The following HFM1 variants were observed in gnomAD, a reference collection of about 807,000 sequenced individuals.
The protein encoded by HFM1 is probable ATP-dependent DNA helicase HFM1.
HFM1 carries 169 observed loss-of-function variants against 192.1 expected under a neutral mutation model. The observed-to-expected ratio is 0.88, with a 90% CI of 0.78 to 1.00. The LOEUF (loss-of-function observed/expected upper bound fraction) is 1.00, where lower values mean the gene tolerates loss of function less well. HFM1 is among the 50% of genes least tolerant of loss of function. HFM1 has a pLI of 0.00. For synonymous variants in HFM1, 525 were observed against 537.8 expected (o/e 0.98, Z 0.33); for missense variants, 1,661 against 1,668.0 (o/e 1.00, Z 0.07).
At chr1:91,402,608 A>G (rs1356549272) in intron 1 of HFM1, among the ~76,000 whole-genome samples, 1 of 152,172 alleles carries the variant, frequency 6.6e-6, no homozygotes, top group Non-Finnish European at 1.5e-5. Context: ...TTAAGTAAAC[A>G]ATTTCAGAAC....
intron 29 of HFM1, 53 bp downstream of exon 29, chr1:91,313,904 T>A (rs1252111781): frequency 6.1e-6 from 6 of 977,708 alleles, no homozygotes; most frequent in Non-Finnish European, 9.4e-6. Flanking sequence ...ATGTAATTTT[T>A]AAATGCAATT....
chr1:91,372,635 T>C (rs1660383119), intron 13 of HFM1, among the ~76,000 whole-genome samples: 1 of 152,040 alleles, frequency 6.6e-6, no homozygotes, highest in South Asian at 2.1e-4. Flanking sequence ...TCCCTAATGT[T>C]AAATGATGAG....
chr1:91,394,036 T>C (rs1388048407), intron 4 of HFM1, 57 bp downstream of exon 4: 13 of 946,768 alleles, frequency 1.4e-5, no homozygotes, highest in Admixed American at 2.7e-5. Flanking sequence ...TACTTTTATA[T>C]GTACAAATAT....
Position 91,366,813 on chromosome 1 carries a change from G to A in HFM1, c.1685+8545C>T, listed in dbSNP as rs534224729. On this transcript the variant is annotated intron_variant, in intron 13 of 38. Coordinates refer to ENST00000370425, the MANE Select transcript of HFM1 (RefSeq NM_001017975.6). ...TTGAGCTGAAGCAGGGCGAGGCATC[G>A]CCTCACCCGGGAAATGCAAGGGGTC... Among the ~76,000 whole-genome samples the A allele has an allele frequency of 3.5e-3, 534 of 152,308 alleles. 1 individual carries two copies. The highest frequency in any genetic ancestry group is 6.0e-3 in the Non-Finnish European group (406 of 68,030).
chr1:91,349,422 G>A (rs1160183501), intron 18 of HFM1, among the ~76,000 whole-genome samples: 1 of 152,152 alleles, frequency 6.6e-6, no homozygotes, highest in Non-Finnish European at 1.5e-5. Flanking sequence ...AATGATGTGT[G>A]ACTTCAGAGA....
intron 11 of HFM1, among the ~76,000 whole-genome samples, chr1:91,377,197 TTTG>T: frequency 6.6e-6 from 1 of 152,050 alleles, no homozygotes; most frequent in Admixed American, 6.6e-5. Flanking sequence ...AGGATTTAGT[TTTG>T]TTGTTGTAAT....
chr1:91,303,254 A>T (rs893139345), intron 30 of HFM1, among the ~76,000 whole-genome samples: 1 of 152,194 alleles, frequency 6.6e-6, no homozygotes, highest in Non-Finnish European at 1.5e-5. Context: ...TAGACACTTC[A>T]TATAAATTGA....
chr1:91,327,380 T>C (rs1653071907), intron 20 of HFM1, among the ~76,000 whole-genome samples: 1 of 152,120 alleles, frequency 6.6e-6, no homozygotes. Flanking sequence ...TAGCCAGGAA[T>C]GGTGGCATGT....
intron 30 of HFM1, among the ~76,000 whole-genome samples, chr1:91,309,712 AG>A (rs1465550355): frequency 1.3e-5 from 2 of 152,182 alleles, no homozygotes; most frequent in African/African-American, 4.8e-5. Flanking sequence ...TTGAGAACCA[AG>A]TTTCTCAGCA....
chr1:91,343,123 C>T (rs1353125404), intron 20 of HFM1, among the ~76,000 whole-genome samples: 2 of 142,442 alleles, frequency 1.4e-5, no homozygotes, highest in Non-Finnish European at 3.0e-5. Flanking sequence ...CCCAGCTACT[C>T]GGGAGGCTGA....
intron 32 of HFM1, among the ~76,000 whole-genome samples, chr1:91,275,934 C>T (rs1241603828): frequency 3.3e-5 from 5 of 152,156 alleles, no homozygotes; most frequent in African/African-American, 1.2e-4. Context: ...AAGTCTAATC[C>T]CTTAAAATAG....
rs1212440595 is a variant in HFM1, at chr1:91,332,720, T to C, written c.2336-7954A>G. On this transcript the variant is annotated intron_variant, in intron 20 of 38. Coordinates refer to ENST00000370425, the MANE Select transcript of HFM1 (RefSeq NM_001017975.6). The stretch of plus-strand genomic sequence containing the variant: ...ACCCATCTGACAAAAGATTAATAAT[T>C]AGAATATATAAGGAGCTCAAACAAC... 2.0e-5 allele frequency among the ~76,000 whole-genome samples: 3 copies of C among 151,960 alleles called. No individual in the cohort carries two copies. In the East Asian group the frequency reaches 5.8e-4, roughly 29 times the overall value.
Position 91,346,195 on chromosome 1 carries a change from T to C in HFM1, c.2254+1234A>G, listed in dbSNP as rs1029739407. ...CTATTCTTGTTTATAAGGCAAAACT[T>C]TGCTAACCCTATACTGACTGAAGAC... On this transcript the variant is annotated intron_variant, in intron 19 of 38. Transcript: ENST00000370425. 2.6e-5 allele frequency among the ~76,000 whole-genome samples: 4 copies of C among 152,198 alleles called. No homozygotes were observed. In the East Asian group the frequency reaches 7.7e-4, roughly 29 times the overall value.
At chr1:91,338,534 T>G (rs1654902308) in intron 20 of HFM1, among the ~76,000 whole-genome samples, 1 of 152,080 alleles carries the variant, frequency 6.6e-6, no homozygotes, top group Non-Finnish European at 1.5e-5. Flanking sequence ...CACTGAACCA[T>G]TAGATGGACC....
chr1:91,278,547 A>C (rs1667167901), intron 30 of HFM1, among the ~76,000 whole-genome samples: 1 of 152,150 alleles, frequency 6.6e-6, no homozygotes, highest in African/African-American at 2.4e-5. Context: ...GAAATGTTGG[A>C]GATAGTGGAG....
chr1:91,337,087 C>T (rs929615107), intron 20 of HFM1, among the ~76,000 whole-genome samples: 14 of 151,902 alleles, frequency 9.2e-5, no homozygotes, highest in African/African-American at 3.1e-4. Context: ...TTGGGGAGGG[C>T]GAGGGGAAGG....
chr1:91,375,704 A>G lies in HFM1; in HGVS notation c.1419T>C (p.Gly473=), dbSNP rs777434931. 2 of 1,613,134 alleles carry G rather than the reference A, an allele frequency of 1.2e-6. No individual in the cohort carries two copies. The highest frequency in any genetic ancestry group is 1.7e-6 in the Non-Finnish European group (2 of 1,179,402). The change falls in exon 12 of 39, where the codon GGT becomes GGC. Residue 473 remains glycine (G), a synonymous_variant. Coordinates refer to ENST00000370425, the MANE Select transcript of HFM1 (RefSeq NM_001017975.6). ...TTTTCAGACACACAGCTGGTCTTTC[A>G]CCATCTGAAAGCCATTCTGCAATCT... is the stretch of plus-strand genomic sequence containing the variant. ...AEDIAEWLSD[G]ERPAVCLKMD...
chr1:91,347,555 G>C (rs541778648), intron 18 of HFM1, 79 bp from the exon 19 acceptor site: 2 of 815,462 alleles, frequency 2.5e-6, no homozygotes, highest in African/African-American at 3.5e-5. Context: ...CTAGTGAAGA[G>C]CAGTCTAATG....
Position 91,385,889 on chromosome 1 carries a change from T to A in HFM1, c.495-55A>T, listed in dbSNP as rs972567079. The A allele has an allele frequency of 4.2e-6, 6 of 1,445,548 alleles. No individual in the cohort carries two copies. In the South Asian group the frequency reaches 8.1e-5, roughly 19 times the overall value. 89.5% of individuals were successfully genotyped at this position (1,445,548 alleles called of 1,614,324 possible). A position where few individuals can be genotyped will look rare whatever the true frequency, so the allele number is the denominator to read the frequency against. ...TCTCACGTGTAACACTTGCTTGGAA[T>A]ATGAAAAACTAGCATAAAATTGGCC... On this transcript the variant is annotated intron_variant, in intron 4 of 38. Coordinates refer to ENST00000370425, the MANE Select transcript of HFM1 (RefSeq NM_001017975.6).
Sources: allele counts gnomAD v4.1 joint callset (sites outside exome capture counted in the v4.1 genomes callset), GRCh38; gene constraint gnomAD v4.1.1; transcripts MANE v1.5; gene names NCBI Gene and HGNC (gene_info 2026-07-23, HGNC 2026-07-21).